Variants in WNT2 observed in about 807,000 individuals in gnomAD.
WNT2 encodes the protein protein Wnt-2.
In WNT2, 12 loss-of-function variants were observed where a neutral mutation model predicts 36.9. That is an observed-to-expected ratio of 0.33 (90% confidence interval 0.21 to 0.53). WNT2 has a LOEUF of 0.53. Among genes scored for constraint, WNT2 ranks in the 20% least tolerant of loss-of-function variants. The pLI is 0.95. For missense variants in WNT2, 379 were observed against 473.1 expected (o/e 0.80, Z 1.84); for synonymous variants, 163 against 174.6 (o/e 0.93, Z 0.52).
At chr7:117,295,960 G>GATCCTA (rs1794782338) in intron 4 of WNT2, among the ~76,000 whole-genome samples, 3 of 152,098 alleles carry the variant, frequency 2.0e-5, no homozygotes, top group South Asian at 2.1e-4. Context: ...CTGTCATAGG[G>GATCCTA]CTGCTGTAAG....
At chr7:117,293,629 CT>C (rs1794732459) in intron 4 of WNT2, among the ~76,000 whole-genome samples, 1 of 152,084 alleles carries the variant, frequency 6.6e-6, no homozygotes, top group African/African-American at 2.4e-5. Flanking sequence ...TGACTGCAAA[CT>C]TTTGACTTGT....
At chr7:117,318,184 C>CT (rs1047350476) in intron 2 of WNT2, among the ~76,000 whole-genome samples, 16 of 152,198 alleles carry the variant, frequency 1.1e-4, no homozygotes, top group African/African-American at 3.6e-4. Context: ...TGCCCTTTGC[C>CT]TTTCCTATTC....
intron 3 of WNT2, among the ~76,000 whole-genome samples, chr7:117,311,406 G>A (rs769583830): frequency 6.6e-6 from 1 of 152,130 alleles, no homozygotes; most frequent in Non-Finnish European, 1.5e-5. Flanking sequence ...GGGAGAACAG[G>A]AGCGGATGTG....
Position 117,315,084 on chromosome 7 carries a change from CTGT to C in WNT2, c.572_574del (p.Asn191del). ...GCATTTCCATACCTTCCTGCCAGCT[CTGT>C]TGTTGTGAAGATTCATCAGGGCTCT... On this transcript the variant is annotated inframe_deletion, in exon 3 of 5. Coordinates refer to ENST00000265441, the MANE Select transcript of WNT2 (RefSeq NM_003391.3). 3 of 1,614,166 alleles carry C rather than the reference CTGT, an allele frequency of 1.9e-6. No individual in the cohort carries two copies. Among genetic ancestry groups the C allele is most frequent in the Non-Finnish European group, 2.5e-6 (3 of 1,180,010 alleles).
Position 117,278,391 on chromosome 7 carries a change from G to C in WNT2, c.854-7C>G. ...CCTGCTGTACCCAGGGAGCCTGGAA[G>C]ACAAGCCAGGGAGTGTTACTGAAAA... On this transcript the variant is annotated splice_region_variant and splice_polypyrimidine_tract_variant and intron_variant, in intron 4 of 4. Transcript: ENST00000265441. 6.2e-7 allele frequency: 1 copy of C among 1,610,906 alleles called. No individual in the cohort carries two copies. Among genetic ancestry groups the C allele is most frequent in the Non-Finnish European group, 8.5e-7 (1 of 1,178,482 alleles).
intron 4 of WNT2, 98 bp from the exon 5 acceptor site, chr7:117,278,482 C>A (rs1794422291): frequency 1.7e-6 from 2 of 1,185,698 alleles, no homozygotes; most frequent in Admixed American, 4.6e-5. Flanking sequence ...AGGACAGAGC[C>A]CTGACCCTCT....
chr7:117,283,736 G>C (rs1689201522), intron 4 of WNT2, among the ~76,000 whole-genome samples: 1 of 152,212 alleles, frequency 6.6e-6, no homozygotes, highest in Non-Finnish European at 1.5e-5. Context: ...CTCAGAAGTG[G>C]TTTCAGTAAA....
intron 3 of WNT2, among the ~76,000 whole-genome samples, chr7:117,302,483 G>A (rs942726399): frequency 6.6e-6 from 1 of 152,158 alleles, no homozygotes; most frequent in Non-Finnish European, 1.5e-5. Flanking sequence ...GGGGAGTATA[G>A]CGATCCATCA....
intron 3 of WNT2, among the ~76,000 whole-genome samples, chr7:117,307,238 A>G (rs1795032034): frequency 6.6e-6 from 1 of 152,196 alleles, no homozygotes; most frequent in Admixed American, 6.5e-5. Context: ...GAGGCATCAC[A>G]TTCTTTAATT....
chr7:117,310,782 A>G (rs1795107181), intron 3 of WNT2, among the ~76,000 whole-genome samples: 1 of 152,048 alleles, frequency 6.6e-6, no homozygotes, highest in African/African-American at 2.4e-5. Context: ...TGCTTTCCAT[A>G]TCTCAACCAT....
In WNT2 at chr7:117,277,015, A is replaced by C. The variant is rs1203838444; in HGVS notation, c.*1140T>G. 1 of 152,688 alleles carries C rather than the reference A, an allele frequency of 6.5e-6. No individual in the cohort carries two copies. The highest frequency in any genetic ancestry group is 2.4e-5 in the African/African-American group (1 of 41,468). 9.5% of individuals were successfully genotyped at this position (152,688 alleles called of 1,614,324 possible). ...TCAAATAAATACAATTAAATATGAC[A>C]GGTCTTTAAACTGGGCTTGAAGGGT... On this transcript the variant is annotated 3_prime_UTR_variant, in exon 5 of 5. Transcript: ENST00000265441.
chr7:117,279,417 G>A (rs1432157588), intron 4 of WNT2, among the ~76,000 whole-genome samples: 1 of 152,154 alleles, frequency 6.6e-6, no homozygotes, highest in Non-Finnish European at 1.5e-5. Flanking sequence ...TGGACCAGGG[G>A]CAATCAACTG....
In WNT2 at chr7:117,297,507, T is replaced by C; in HGVS notation, c.853+105A>G. The C allele has an allele frequency of 2.2e-6, 3 of 1,392,766 alleles. No individual in the cohort carries two copies. The South Asian group carries it at 4.1e-5, about 19-fold the overall frequency. The allele number at this position is 1,392,766 out of a possible 1,614,324, so 86.3% of individuals were successfully genotyped here. ...AATAAGAATGATAAGGATCGTGAGCTTTGAACCTAAAGAGAGCAGGCTGAA... is the reference window on the plus strand; with the variant it reads ...AATAAGAATGATAAGGATCGTGAGCCTTGAACCTAAAGAGAGCAGGCTGAA... On this transcript the variant is annotated intron_variant, in intron 4 of 4. Coordinates refer to ENST00000265441, the MANE Select transcript of WNT2 (RefSeq NM_003391.3).
chr7:117,302,937 A>C (rs1794935734), intron 3 of WNT2, among the ~76,000 whole-genome samples: 1 of 152,186 alleles, frequency 6.6e-6, no homozygotes, highest in South Asian at 2.1e-4. Flanking sequence ...GGGAAACAAA[A>C]AGGGTGAAAT....
In WNT2 at chr7:117,278,270, T is replaced by A. The variant is rs533053101; in HGVS notation, c.968A>T (p.Lys323Met). The A allele has an allele frequency of 6.2e-7, 1 of 1,614,242 alleles. No homozygotes were observed. The highest frequency in any genetic ancestry group is 2.2e-5 in the East Asian group (1 of 44,872). Residue 323 changes from lysine to methionine, a missense_variant, in exon 5 of 5, where the codon AAG (lysine) becomes ATG (methionine). Transcript: ENST00000265441. ...YDTSHVTRMT[K>M]CGCKFHWCCA... ...GCACCAGTGGAACTTACACCCACAC[T>A]TGGTCATCCGGGTGACATGGGAGGT...
chr7:117,320,479 T>A lies in WNT2; in HGVS notation c.310+88A>T, dbSNP rs1795301734. ...AAACTTCTGATGGAATAAAATGCAA[T>A]AGAAGATAAGCAGGGTCTTTGAAGA... On this transcript the variant is annotated intron_variant, in intron 2 of 4. Transcript: ENST00000265441. 37 of 1,293,758 alleles carry A rather than the reference T, an allele frequency of 2.9e-5. No individual in the cohort carries two copies. The South Asian group carries it at 4.7e-4, about 16-fold the overall frequency. 80.1% of individuals were successfully genotyped at this position (1,293,758 alleles called of 1,614,324 possible). A position where few individuals can be genotyped will look rare whatever the true frequency, so the allele number is the denominator to read the frequency against.
At chr7:117,297,360 G>C (rs571739368) in intron 4 of WNT2, among the ~76,000 whole-genome samples, 2 of 151,962 alleles carry the variant, frequency 1.3e-5, no homozygotes, top group South Asian at 4.2e-4. Flanking sequence ...TTGCATTTTT[G>C]GTAGAGATGG....
At chr7:117,297,210 G>A (rs188335773) in intron 4 of WNT2, among the ~76,000 whole-genome samples, 1 of 152,236 alleles carries the variant, frequency 6.6e-6, no homozygotes, top group Admixed American at 6.5e-5. Flanking sequence ...CAGTTGCTTA[G>A]GAGAGCTCTC....
Position 117,295,771 on chromosome 7 carries a change from C to T in WNT2, c.853+1841G>A, listed in dbSNP as rs191592123. ...GGATCAGACATCCACCCTCTCCTACCGGTGAGATCGTGAGCAGGTCATTCA... is the reference window on the plus strand; with the variant it reads ...GGATCAGACATCCACCCTCTCCTACTGGTGAGATCGTGAGCAGGTCATTCA... On this transcript the variant is annotated intron_variant, in intron 4 of 4. Transcript: ENST00000265441. Among the ~76,000 whole-genome samples, 7 of 152,296 alleles carry T rather than the reference C, an allele frequency of 4.6e-5. No individual in the cohort carries two copies. In the East Asian group the frequency reaches 1.2e-3, roughly 25 times the overall value.
Sources: allele counts gnomAD v4.1 joint callset (sites outside exome capture counted in the v4.1 genomes callset), GRCh38; gene constraint gnomAD v4.1.1; transcripts MANE v1.5; gene names NCBI Gene and HGNC (gene_info 2026-07-23, HGNC 2026-07-21).